The following PBX1 variants were observed in gnomAD, a reference collection of about 807,000 sequenced individuals.
PBX1 encodes the protein pre-B-cell leukemia transcription factor 1.
PBX1 carries 6 observed loss-of-function variants against 53.4 expected under a neutral mutation model. The ratio of observed to expected loss-of-function variants is 0.11; its 90% CI spans 0.06 to 0.22. The LOEUF (loss-of-function observed/expected upper bound fraction) is 0.22. Ranked by LOEUF, PBX1 falls within the 10% of genes least tolerant of loss-of-function variation. PBX1 has a pLI of 1.00. For synonymous variants in PBX1, 204 were observed against 212.3 expected (o/e 0.96, Z 0.34); for missense variants, 251 against 551.4 (o/e 0.46, Z 5.46).
intron 2 of PBX1, among the ~76,000 whole-genome samples, chr1:164,745,790 G>C (rs957977286): frequency 6.6e-6 from 1 of 152,228 alleles, no homozygotes; most frequent in African/African-American, 2.4e-5. Flanking sequence ...CTTCAGAAAA[G>C]TCTCTTAATT....
chr1:164,844,932 A>G lies in PBX1; in HGVS notation c.1201-1652A>G, dbSNP rs186639512. ...ACAGCAGGGGGAAATGTCCTCCAACAGAGAAAAGGAGTGAGAGGAGTGACT... is the reference window on the plus strand; with the variant it reads ...ACAGCAGGGGGAAATGTCCTCCAACGGAGAAAAGGAGTGAGAGGAGTGACT... On this transcript the variant is annotated intron_variant, in intron 8 of 8. Transcript: ENST00000420696. 5.9e-5 allele frequency among the ~76,000 whole-genome samples: 9 copies of G among 152,356 alleles called. No homozygotes were observed. The East Asian group carries it at 1.7e-3, about 29-fold the overall frequency.
At chr1:164,873,167 G>A (rs1672422758) in intron 2 of PBX1, among the ~76,000 whole-genome samples, 1 of 152,204 alleles carries the variant, frequency 6.6e-6, no homozygotes, top group Non-Finnish European at 1.5e-5. Context: ...CATGTTCATA[G>A]CCACCCTACT....
chr1:164,658,856 CTTA>C (rs1660324471), intron 2 of PBX1, among the ~76,000 whole-genome samples: 2 of 152,186 alleles, frequency 1.3e-5, no homozygotes, highest in Non-Finnish European at 2.9e-5. Context: ...GGTAGAGGCT[CTTA>C]TTATCCCCAT....
intron 2 of PBX1, among the ~76,000 whole-genome samples, chr1:164,870,297 C>CTT (rs1296102092): frequency 1.8e-4 from 9 of 49,704 alleles, no homozygotes; most frequent in Admixed American, 4.5e-4. Flanking sequence ...TTCTTTCTTT[C>CTT]TTTCTTTCTT....
chr1:164,711,892 C>T (rs751127688), intron 2 of PBX1, among the ~76,000 whole-genome samples: 3 of 152,108 alleles, frequency 2.0e-5, no homozygotes, highest in Non-Finnish European at 4.4e-5. Flanking sequence ...GAAGCATGGC[C>T]GTGGGGGCTG....
intron 2 of PBX1, among the ~76,000 whole-genome samples, chr1:164,693,689 C>T (rs536251756): frequency 6.6e-6 from 1 of 152,284 alleles, no homozygotes; most frequent in African/African-American, 2.4e-5. Context: ...CTGCAGCCTT[C>T]ACACACTTTT....
At chr1:164,631,466 A>G (rs998556714) in intron 2 of PBX1, among the ~76,000 whole-genome samples, 1 of 152,186 alleles carries the variant, frequency 6.6e-6, no homozygotes, top group African/African-American at 2.4e-5. Context: ...CTCACTCTGC[A>G]TTGACCCTTT....
intron 2 of PBX1, among the ~76,000 whole-genome samples, chr1:164,582,635 T>C (rs796574454): frequency 2.6e-5 from 4 of 152,072 alleles, no homozygotes; most frequent in African/African-American, 9.7e-5. Flanking sequence ...ATTGGTCAGG[T>C]TGGTCTGGAG....
In PBX1 at chr1:164,847,846, C is replaced by G; in HGVS notation, c.*1170C>G. On this transcript the variant is annotated 3_prime_UTR_variant, in exon 9 of 9. Transcript: ENST00000420696. The stretch of plus-strand genomic sequence containing the variant: ...CGTGCACTTACCAGAATGGCATACA[C>G]AGGACCTGATCATGAGGAAGACCAG... 9.5e-7 allele frequency: 1 copy of G among 1,055,438 alleles called. No individual in the cohort carries two copies. The highest frequency in any genetic ancestry group is 1.1e-6 in the Non-Finnish European group (1 of 873,104). The allele number at this position is 1,055,438 out of a possible 1,614,324, so 65.4% of individuals were successfully genotyped here. A position where few individuals can be genotyped will look rare whatever the true frequency, so the allele number is the denominator to read the frequency against.
chr1:164,675,165 A>T (rs1661362243), intron 2 of PBX1, among the ~76,000 whole-genome samples: 1 of 152,130 alleles, frequency 6.6e-6, no homozygotes, highest in Non-Finnish European at 1.5e-5. Flanking sequence ...TTGACAGATG[A>T]TGCCACCAGA....
At chr1:164,778,897 A>C (rs558055746) in intron 2 of PBX1, among the ~76,000 whole-genome samples, 90 of 152,284 alleles carry the variant, frequency 5.9e-4, no homozygotes, top group African/African-American at 1.8e-3. Flanking sequence ...TGAGGTAGGG[A>C]GAACACCCTG....
chr1:164,597,830 ATAAT>A (rs1384909967), intron 2 of PBX1, among the ~76,000 whole-genome samples: 10 of 152,268 alleles, frequency 6.6e-5, no homozygotes, highest in South Asian at 4.1e-4. Flanking sequence ...AATTAAATAA[ATAAT>A]TAATTTAAGA....
intron 2 of PBX1, among the ~76,000 whole-genome samples, chr1:164,776,049 A>T (rs776526327): frequency 2.6e-5 from 4 of 152,132 alleles, no homozygotes; most frequent in Admixed American, 6.5e-5. Context: ...CATTTCCTTT[A>T]GGGCAGGCAC....
intron 2 of PBX1, among the ~76,000 whole-genome samples, chr1:164,597,620 G>A (rs893146500): frequency 6.6e-6 from 1 of 152,090 alleles, no homozygotes; most frequent in Non-Finnish European, 1.5e-5. Context: ...TTGCCTTGAA[G>A]CCAGGACCTG....
At chr1:164,863,571 G>A (rs1189717081) in intron 2 of PBX1, among the ~76,000 whole-genome samples, 1 of 152,204 alleles carries the variant, frequency 6.6e-6, no homozygotes, top group Non-Finnish European at 1.5e-5. Flanking sequence ...AAAGATATGT[G>A]ATCCTATGAG....
intron 8 of PBX1, among the ~76,000 whole-genome samples, chr1:164,836,780 A>G (rs766214424): frequency 6.6e-6 from 1 of 152,338 alleles, no homozygotes; most frequent in Non-Finnish European, 1.5e-5. Flanking sequence ...TGACATAGCA[A>G]TTATGGCTCT....
chr1:164,711,555 G>T (rs1025897322), intron 2 of PBX1, among the ~76,000 whole-genome samples: 1 of 152,198 alleles, frequency 6.6e-6, no homozygotes, highest in Non-Finnish European at 1.5e-5. Flanking sequence ...GAGCCACTGC[G>T]CCCGGCTAGT....
chr1:164,721,322 T>C (rs1045474568), intron 2 of PBX1, among the ~76,000 whole-genome samples: 2 of 151,890 alleles, frequency 1.3e-5, no homozygotes, highest in African/African-American at 4.8e-5. Context: ...CTGGGAGCCA[T>C]GGGGTCTTAA....
intron 2 of PBX1, among the ~76,000 whole-genome samples, chr1:164,573,259 G>T (rs1249213342): frequency 2.0e-5 from 3 of 151,506 alleles, no homozygotes; most frequent in African/African-American, 7.3e-5. Context: ...CCTTGAAATG[G>T]TAATGTTAAA....
Sources: gnomAD v4.1 joint callset for allele counts (sites outside exome capture counted in the v4.1 genomes callset) on GRCh38, gnomAD v4.1.1 for gene constraint, MANE v1.5 for transcripts, NCBI Gene and HGNC (gene_info 2026-07-23, HGNC 2026-07-21) for gene names.